MGAT4A: variants seen among roughly 807,000 people sequenced by gnomAD.
MGAT4A encodes the protein N-acetylglucosaminyltransferase IVa.
MGAT4A carries 33 observed loss-of-function variants against 74.1 expected under a neutral mutation model. The observed-to-expected ratio is 0.45, with a 90% CI of 0.34 to 0.60. The LOEUF (loss-of-function observed/expected upper bound fraction) is 0.60. Ranked by LOEUF, MGAT4A falls within the 20% of genes least tolerant of loss-of-function variation. The pLI is 0.02. For missense variants in MGAT4A, 479 were observed against 628.3 expected (o/e 0.76, Z 2.54); for synonymous variants, 198 against 210.4 (o/e 0.94, Z 0.51).
intron 4 of MGAT4A, among the ~76,000 whole-genome samples, chr2:98,663,802 A>G (rs954852572): frequency 5.3e-5 from 8 of 152,238 alleles, no homozygotes; most frequent in Non-Finnish European, 1.2e-4. Context: ...AATGAAACAC[A>G]TGACAAAATC....
chr2:98,713,093 C>A (rs1212089896), intron 2 of MGAT4A, among the ~76,000 whole-genome samples: 1 of 149,792 alleles, frequency 6.7e-6, no homozygotes, highest in East Asian at 2.0e-4. Flanking sequence ...TGCTTGAGCC[C>A]AGAGGCTGCA....
chr2:98,725,892 A>G (rs948171506), intron 2 of MGAT4A: 4 of 356,282 alleles, frequency 1.1e-5, no homozygotes, highest in Admixed American at 4.4e-5. Flanking sequence ...CACTCGGTAC[A>G]AGGAAGCTTA....
Position 98,656,458 on chromosome 2 carries a change from T to C in MGAT4A, c.592A>G (p.Lys198Glu), listed in dbSNP as rs372632927. The C allele has an allele frequency of 5.6e-6, 9 of 1,593,992 alleles. No individual in the cohort carries two copies. The African/African-American group carries it at 8.1e-5, about 14-fold the overall frequency. Reference sequence around the variant, plus strand: ...TCCACCAAGCCAGAACTGATTTCTTTAGAAAATCTATTATGAGAAAGTTAG... The same window carrying C: ...TCCACCAAGCCAGAACTGATTTCTTCAGAAAATCTATTATGAGAAAGTTAG... ...VVANLEKEFS[K>E]EISSGLVEVI... The change falls in exon 7 of 16, where the codon AAA becomes GAA. Residue 198 changes from lysine to glutamate, a missense_variant. This residue lies in a region of MGAT4A where 205 missense variants were observed against 232.7 expected (regional missense o/e 0.88). Transcript: ENST00000393487.
intron 12 of MGAT4A, among the ~76,000 whole-genome samples, chr2:98,638,880 C>T (rs753196033): frequency 5.9e-5 from 9 of 152,168 alleles, no homozygotes; most frequent in Non-Finnish European, 1.0e-4. Context: ...CCCATTGGGA[C>T]ACATAAAAGG....
rs534466250 is a variant in MGAT4A at position 98,640,496 on chromosome 2, C to T, written c.1021-268G>A. Reference sequence around the variant, plus strand: ...GTGCAAGCCTATAATCCCAGCTACTCGGAAGGCTGAAGCAGGAGAATCGCT... The same window carrying T: ...GTGCAAGCCTATAATCCCAGCTACTTGGAAGGCTGAAGCAGGAGAATCGCT... On this transcript the variant is annotated intron_variant, in intron 10 of 15. Transcript: ENST00000393487. Among the ~76,000 whole-genome samples, 9 of 152,150 alleles carry T rather than the reference C, an allele frequency of 5.9e-5. No individual in the cohort carries two copies. In the South Asian group the frequency reaches 1.2e-3, roughly 21 times the overall value.
chr2:98,730,560 G>GC (rs1397124291), intron 1 of MGAT4A, among the ~76,000 whole-genome samples: 23 of 149,534 alleles, frequency 1.5e-4, no homozygotes, highest in African/African-American at 5.7e-4. Flanking sequence ...CTGCCCCGCG[G>GC]CCCCCGCGAA....
At chr2:98,647,644 C>G (rs910625444) in intron 8 of MGAT4A, among the ~76,000 whole-genome samples, 3 of 152,134 alleles carry the variant, frequency 2.0e-5, no homozygotes, top group African/African-American at 7.2e-5. Context: ...TATGCGCTAC[C>G]GTAAGACTTA....
At chr2:98,676,139 A>C (rs1701974094) in intron 3 of MGAT4A, among the ~76,000 whole-genome samples, 2 of 152,220 alleles carry the variant, frequency 1.3e-5, no homozygotes, top group Admixed American at 1.3e-4. Flanking sequence ...CTTAGAAAAA[A>C]GCAAGCTAGC....
At chr2:98,692,258 T>A (rs897753851) in intron 2 of MGAT4A, among the ~76,000 whole-genome samples, 1 of 151,974 alleles carries the variant, frequency 6.6e-6, no homozygotes, top group Non-Finnish European at 1.5e-5. Context: ...TACACTCAGC[T>A]AATTTTTGTG....
chr2:98,628,627 G>C (rs1701180841), intron 14 of MGAT4A, among the ~76,000 whole-genome samples: 1 of 152,164 alleles, frequency 6.6e-6, no homozygotes, highest in South Asian at 2.1e-4. Flanking sequence ...ATTGTATTTA[G>C]CCTAATAACG....
chr2:98,629,816 G>A (rs1421817002), intron 14 of MGAT4A, among the ~76,000 whole-genome samples: 1 of 152,204 alleles, frequency 6.6e-6, no homozygotes, highest in Non-Finnish European at 1.5e-5. Flanking sequence ...GGCTGAGGCA[G>A]GCAGATCACC....
At chr2:98,699,934 T>C (rs943382381) in intron 2 of MGAT4A, among the ~76,000 whole-genome samples, 1 of 152,158 alleles carries the variant, frequency 6.6e-6, no homozygotes, top group African/African-American at 2.4e-5. Flanking sequence ...CCACCACATC[T>C]CTTGCCTGAG....
chr2:98,637,039 G>A (rs188241538), intron 12 of MGAT4A, among the ~76,000 whole-genome samples: 8 of 152,256 alleles, frequency 5.3e-5, no homozygotes, highest in Admixed American at 3.9e-4. Flanking sequence ...GCTGGGCGTG[G>A]TGGCTCACAC....
chr2:98,715,628 CTGGGGCCTTT>C (rs1337996420), intron 2 of MGAT4A, among the ~76,000 whole-genome samples: 1 of 152,122 alleles, frequency 6.6e-6, no homozygotes, highest in Non-Finnish European at 1.5e-5. Context: ...ACAACACACA[CTGGGGCCTTT>C]TGGAGGGTGG....
intron 2 of MGAT4A, among the ~76,000 whole-genome samples, chr2:98,697,086 G>T (rs898136468): frequency 4.6e-5 from 7 of 152,008 alleles, no homozygotes; most frequent in Admixed American, 1.3e-4. Context: ...GAATAAAGTG[G>T]ACATTTTAAA....
Position 98,678,909 on chromosome 2 carries a change from A to G in MGAT4A, c.95-438T>C, listed in dbSNP as rs541701329. Among the ~76,000 whole-genome samples the G allele has an allele frequency of 1.4e-3, 220 of 152,344 alleles. 1 individual carries two copies. The highest frequency in any genetic ancestry group is 4.5e-3 in the Admixed American group (69 of 15,302). ...TATATAATAATATAATGAATATAAC[A>G]TATTTTATAGCATAATCATTAATTT... On this transcript the variant is annotated intron_variant, in intron 2 of 15. Coordinates refer to ENST00000393487, the MANE Select transcript of MGAT4A (RefSeq NM_012214.3).
At chr2:98,637,750 C>T (rs184379140) in intron 12 of MGAT4A, among the ~76,000 whole-genome samples, 13 of 152,298 alleles carry the variant, frequency 8.5e-5, no homozygotes, top group Non-Finnish European at 1.2e-4. Context: ...CGAGTTTCCT[C>T]AGCTTTCTGA....
At chr2:98,716,904 C>CA (rs556300744) in intron 2 of MGAT4A, among the ~76,000 whole-genome samples, 8 of 151,276 alleles carry the variant, frequency 5.3e-5, no homozygotes, top group Non-Finnish European at 8.9e-5. Context: ...GAATAATGAC[C>CA]AAAAAAAACC....
intron 4 of MGAT4A, among the ~76,000 whole-genome samples, chr2:98,664,852 A>AT (rs1394801714): frequency 6.6e-6 from 1 of 152,160 alleles, no homozygotes; most frequent in Non-Finnish European, 1.5e-5. Context: ...TACCACAGTG[A>AT]TTTTTAGGAA....
Sources: gnomAD v4.1 joint callset for allele counts (sites outside exome capture counted in the v4.1 genomes callset) on GRCh38, gnomAD v4.1.1 for gene constraint, gnomAD v4.1.1 regional missense constraint, MANE v1.5 for transcripts, NCBI Gene and HGNC (gene_info 2026-07-23, HGNC 2026-07-21) for gene names.